PCDHGA7: variants seen among roughly 807,000 people sequenced by gnomAD.
PCDHGA7 encodes the protein protocadherin gamma subfamily A, 7.
PCDHGA7 carries 44 observed loss-of-function variants against 58.3 expected under a neutral mutation model. That is an observed-to-expected ratio of 0.75 (90% CI 0.59 to 0.97). The LOEUF is 0.97. Among genes scored for constraint, PCDHGA7 ranks in the 50% least tolerant of loss-of-function variants. The pLI is 0.00. For synonymous variants in PCDHGA7, 516 were observed against 504.2 expected (o/e 1.02, Z -0.31); for missense variants, 1,266 against 1,188.7 (o/e 1.06, Z -0.96).
At chr5:141,409,830 G>T in intron 1 of PCDHGA7, 1 of 1,611,250 alleles carries the variant, frequency 6.2e-7, no homozygotes, top group South Asian at 1.1e-5. Flanking sequence ...CCCACGCTCA[G>T]CGCCAACGTG....
intron 1 of PCDHGA7, chr5:141,393,244 A>C: frequency 6.2e-7 from 1 of 1,613,840 alleles, no homozygotes; most frequent in Non-Finnish European, 8.5e-7. Flanking sequence ...AAAATTAACG[A>C]AATCGCGGTT....
intron 1 of PCDHGA7, chr5:141,390,359 C>T: frequency 1.3e-6 from 2 of 1,538,574 alleles, no homozygotes; most frequent in Admixed American, 1.9e-5. Flanking sequence ...TACATATTTG[C>T]AGGAAAATAT....
chr5:141,389,780 C>T (rs746524585), intron 1 of PCDHGA7: 1 of 1,613,310 alleles, frequency 6.2e-7, no homozygotes, highest in South Asian at 1.1e-5. Flanking sequence ...CCTTAGGCGA[C>T]AGGGACGCCG....
intron 1 of PCDHGA7, chr5:141,400,474 G>A: frequency 6.2e-7 from 1 of 1,614,012 alleles, no homozygotes; most frequent in Non-Finnish European, 8.5e-7. Context: ...TTCATCTGGG[G>A]CCTTATTTCC....
Position 141,431,583 on chromosome 5 carries a change from C to A in PCDHGA7, c.2424+46260C>A, listed in dbSNP as rs771534481. On this transcript the variant is annotated intron_variant, in intron 1 of 3. Transcript: ENST00000518325. The surrounding 1 kb of genome is among the most constrained non-coding windows in gnomAD (Gnocchi z 4.8). ...ACCGACCCTGACGAAGGAGTCAATGCGGAAGTGAGGTATTCCTTCCGGTAT... is the reference window on the plus strand; with the variant it reads ...ACCGACCCTGACGAAGGAGTCAATGAGGAAGTGAGGTATTCCTTCCGGTAT... The A allele has an allele frequency of 1.1e-5, 18 of 1,614,008 alleles. No individual in the cohort carries two copies. In the South Asian group the frequency reaches 1.2e-4, roughly 11 times the overall value.
At chr5:141,396,033 C>G (rs191318626) in intron 1 of PCDHGA7, 2 of 152,280 alleles carry the variant, frequency 1.3e-5, no homozygotes, top group South Asian at 2.1e-4. Flanking sequence ...TATGTAAGAA[C>G]ATATTTCAAT....
intron 1 of PCDHGA7, among the ~76,000 whole-genome samples, chr5:141,494,072 C>G (rs2099751672): frequency 6.6e-6 from 1 of 152,160 alleles, no homozygotes; most frequent in Non-Finnish European, 1.5e-5. Flanking sequence ...CTGGATCCCT[C>G]CCCGCTGCAT....
chr5:141,384,294 C>A lies in PCDHGA7; in HGVS notation c.1395C>A (p.Asn465Lys). 6.2e-7 allele frequency: 1 copy of A among 1,613,864 alleles called. No individual in the cohort carries two copies. The change falls in exon 1 of 4, where the codon AAC (asparagine) becomes AAA (lysine). Residue 465 changes from asparagine (N) to lysine (K), a missense_variant. Physicochemically the swap from Asn to Lys is moderately conservative, Grantham distance 94 (BLOSUM62 0). Transcript: ENST00000518325. Reference sequence around the variant, plus strand: ...ACTCAGTCTACATCGCTGAGAACAACCCCAGAGGGGCCTCCATTTTCTTAG... The same window carrying A: ...ACTCAGTCTACATCGCTGAGAACAAACCCAGAGGGGCCTCCATTTTCTTAG... ...SSYSVYIAEN[N>K]PRGASIFLVT...
chr5:141,440,667 T>C (rs1330266877), intron 1 of PCDHGA7: 1 of 152,218 alleles, frequency 6.6e-6, no homozygotes, highest in East Asian at 1.9e-4. Context: ...GCAGCAACTC[T>C]ATATTTCTCT....
chr5:141,391,906 T>C (rs2092441756), intron 1 of PCDHGA7: 2 of 152,218 alleles, frequency 1.3e-5, no homozygotes, highest in Non-Finnish European at 2.9e-5. Flanking sequence ...GCTTTGCTTT[T>C]TATCATATAT....
intron 2 of PCDHGA7, among the ~76,000 whole-genome samples, chr5:141,496,500 C>T (rs1350421492): frequency 6.6e-6 from 1 of 152,162 alleles, no homozygotes; most frequent in Non-Finnish European, 1.5e-5. Flanking sequence ...ACCCTTGTTG[C>T]CACAAGGACC....
chr5:141,400,593 T>C (rs768255831), intron 1 of PCDHGA7: 1 of 1,602,992 alleles, frequency 6.2e-7, no homozygotes, highest in Admixed American at 1.7e-5. Flanking sequence ...GAAACTATCG[T>C]ACATTTTCAA....
chr5:141,435,027 AC>A (rs1485237615), intron 1 of PCDHGA7, among the ~76,000 whole-genome samples: 1 of 151,978 alleles, frequency 6.6e-6, no homozygotes, highest in Non-Finnish European at 1.5e-5. Flanking sequence ...CTCTTTTCCC[AC>A]TTTTATTTTT....
intron 1 of PCDHGA7, chr5:141,427,093 G>A (rs1446677593): frequency 2.2e-6 from 1 of 458,122 alleles, no homozygotes. Flanking sequence ...CAGGATGAGG[G>A]TGTCAATGCG....
Position 141,431,041 on chromosome 5 carries a change from G to C in PCDHGA7, c.2424+45718G>C, listed in dbSNP as rs2097339173. On this transcript the variant is annotated intron_variant, in intron 1 of 3. Coordinates refer to ENST00000518325, the MANE Select transcript of PCDHGA7 (RefSeq NM_018920.4). The surrounding 1 kb of genome is among the most constrained non-coding windows in gnomAD (Gnocchi z 4.8). ...CGGCGGGCAGGATAGACCGGGAGGA[G>C]CTCTGTATGGGGGCCATCAAGTGTC... The C allele has an allele frequency of 6.2e-7, 1 of 1,614,116 alleles. No homozygotes were observed. Among genetic ancestry groups the C allele is most frequent in the Non-Finnish European group, 8.5e-7 (1 of 1,180,046 alleles).
chr5:141,481,208 A>G lies in PCDHGA7; in HGVS notation c.2425-13599A>G, dbSNP rs116577118. On this transcript the variant is annotated intron_variant, in intron 1 of 3. Coordinates refer to ENST00000518325, the MANE Select transcript of PCDHGA7 (RefSeq NM_018920.4). ...GCCAGGCCCAATTTTTTTAAAAAACATGGTAAGGTCTCCCAGCCTTAAAGT... is the reference window on the plus strand; with the variant it reads ...GCCAGGCCCAATTTTTTTAAAAAACGTGGTAAGGTCTCCCAGCCTTAAAGT... 3.5e-3 allele frequency among the ~76,000 whole-genome samples: 528 copies of G among 152,350 alleles called. 2 individuals carry two copies. Among genetic ancestry groups the G allele is most frequent in the African/African-American group, 0.012 (490 of 41,572 alleles).
At chr5:141,403,378 T>G in intron 1 of PCDHGA7, 5 of 1,614,002 alleles carry the variant, frequency 3.1e-6, no homozygotes, top group Non-Finnish European at 4.2e-6. Context: ...AAGTAAAAAT[T>G]AACGAAATCG....
rs1354360582 is a variant in PCDHGA7 at position 141,491,147 on chromosome 5, A to T, written c.2425-3660A>T. On this transcript the variant is annotated intron_variant, in intron 1 of 3. Transcript: ENST00000518325. The surrounding 1 kb of genome is among the most constrained non-coding windows in gnomAD (Gnocchi z 6.9). ...GTGCGCACAGCCCGGGCCTTACTGG[A>T]GGATGACTCTGACACCCAGCAGGTG... The T allele has an allele frequency of 1.9e-6, 3 of 1,613,980 alleles. No homozygotes were observed. The highest frequency in any genetic ancestry group is 2.5e-6 in the Non-Finnish European group (3 of 1,179,994).
chr5:141,443,308 C>T (rs1484035480), intron 1 of PCDHGA7, among the ~76,000 whole-genome samples: 7 of 136,252 alleles, frequency 5.1e-5, no homozygotes, highest in African/African-American at 2.2e-4. Context: ...TGGCAAAAAC[C>T]CATCTCTACA....
Sources: gnomAD v4.1 joint callset for allele counts (sites outside exome capture counted in the v4.1 genomes callset) on GRCh38, gnomAD v4.1.1 for gene constraint, Gnocchi (gnomAD v3.1) non-coding constraint, MANE v1.5 for transcripts, NCBI Gene and HGNC (gene_info 2026-07-23, HGNC 2026-07-21) for gene names.